Variants in PUDP observed in about 807,000 individuals in gnomAD.
The protein encoded by PUDP is pseudouridine-5'-phosphatase.
In PUDP, 8 loss-of-function variants were observed where a neutral mutation model predicts 9.4. The observed-to-expected ratio is 0.85, with a 90% CI of 0.50 to 1.53. The LOEUF (loss-of-function observed/expected upper bound fraction) is 1.53. Among genes scored for constraint, PUDP ranks in the 40% most tolerant of loss-of-function variants. PUDP has a pLI of 0.00. For missense variants in PUDP, 188 were observed against 189.7 expected, an observed-to-expected ratio of 0.99 and a Z score of 0.05; for synonymous variants, 99 against 80.7, an observed-to-expected ratio of 1.23 and a Z score of -1.22.
rs1486981926 is a variant in PUDP at position 7,147,885 on chromosome X, C to G, written c.61+168G>C. Reference sequence around the variant, plus strand: ...ACATGGGCCCGCGGGCGCTCCTGGCCGCCGCCCGACTTCGGGGCCAGCCGG... The same window carrying G: ...ACATGGGCCCGCGGGCGCTCCTGGCGGCCGCCCGACTTCGGGGCCAGCCGG... On this transcript the variant is annotated intron_variant, in intron 1 of 3. Transcript: ENST00000381077. 5.3e-5 allele frequency: 14 copies of G among 265,338 alleles called. No homozygotes were observed. In the East Asian group the frequency reaches 1.0e-3, roughly 19 times the overall value. The allele number at this position is 265,338 out of a possible 1,213,427, so 21.9% of individuals were successfully genotyped here. A position where few individuals can be genotyped will look rare whatever the true frequency, so the allele number is the denominator to read the frequency against.
chrX:7,106,303 G>A (rs745559865), intron 1 of PUDP, among the ~76,000 whole-genome samples: 1 of 112,145 alleles, frequency 8.9e-6, no homozygotes, highest in Non-Finnish European at 1.9e-5. Context: ...GCCTGGCCAG[G>A]ATGCTGCTGT....
In PUDP at chrX:7,079,845, G is replaced by A. The variant is rs1361330397; in HGVS notation, c.281-2396C>T. 5.4e-5 allele frequency among the ~76,000 whole-genome samples: 6 copies of A among 112,043 alleles called. No individual in the cohort carries two copies. The Admixed American group carries it at 5.7e-4, about 11-fold the overall frequency. On this transcript the variant is annotated intron_variant, in intron 2 of 3. Coordinates refer to ENST00000381077, the MANE Select transcript of PUDP (RefSeq NM_012080.5). Reference sequence around the variant, plus strand: ...ATTGAGTGATATGTTAAATAATAAGGTCTCAAATAAGTGATCTAAGTTGCC... The same window carrying A: ...ATTGAGTGATATGTTAAATAATAAGATCTCAAATAAGTGATCTAAGTTGCC...
chrX:7,128,820 T>G (rs1381015955), intron 1 of PUDP, among the ~76,000 whole-genome samples: 5 of 112,197 alleles, frequency 4.5e-5, no homozygotes, highest in South Asian at 7.4e-4. Flanking sequence ...TAGATACTAA[T>G]GAATGATTTT....
intron 1 of PUDP, among the ~76,000 whole-genome samples, chrX:7,126,382 T>G (rs1932487357): frequency 8.9e-6 from 1 of 111,972 alleles, no homozygotes; most frequent in Admixed American, 9.5e-5. Flanking sequence ...AGGAAAACAT[T>G]GGTCCAGATG....
At chrX:6,728,206 C>A (rs1049446081) in intron 3 of PUDP, among the ~76,000 whole-genome samples, 2 of 110,947 alleles carry the variant, frequency 1.8e-5, no homozygotes, top group Middle Eastern at 4.7e-3. Flanking sequence ...ACCACAAGAA[C>A]AACATGGAGG....
intron 1 of PUDP, among the ~76,000 whole-genome samples, chrX:7,027,109 C>T (rs1929722021): frequency 9.0e-6 from 1 of 111,588 alleles, no homozygotes; most frequent in Non-Finnish European, 1.9e-5. Flanking sequence ...ATACCCAAAC[C>T]ATGCACACGT....
rs757615563 is a variant in PUDP at position 7,003,457 on chromosome X, A to G, written c.205-25114T>C. ...CTGATCATTTTTGCAAGTATTCAAT[A>G]GTTAGTATAAAACAACACTTAAAGG... is the stretch of plus-strand genomic sequence containing the variant. On this transcript the variant is annotated intron_variant and NMD_transcript_variant, in intron 1 of 3. Coordinates refer to the PUDP transcript ENST00000655425. Among the ~76,000 whole-genome samples, 3 of 111,729 alleles carry G rather than the reference A, an allele frequency of 2.7e-5. No homozygotes were observed. In the East Asian group the frequency reaches 8.5e-4, roughly 32 times the overall value.
intron 3 of PUDP, among the ~76,000 whole-genome samples, chrX:6,751,091 A>G (rs766619953): frequency 1.0e-4 from 11 of 109,813 alleles, no homozygotes; most frequent in East Asian, 5.7e-4. Context: ...GCAGTGAGCC[A>G]AGATTGTGCC....
intron 3 of PUDP, among the ~76,000 whole-genome samples, chrX:6,800,642 C>T (rs1925917325): frequency 8.9e-6 from 1 of 111,927 alleles, no homozygotes; most frequent in Non-Finnish European, 1.9e-5. Flanking sequence ...GCATTAATTT[C>T]AGTGGACACT....
intron 1 of PUDP, among the ~76,000 whole-genome samples, chrX:7,114,795 T>C (rs1932151223): frequency 8.9e-6 from 1 of 112,561 alleles, no homozygotes; most frequent in South Asian, 3.6e-4. Flanking sequence ...AAGTGCTTAA[T>C]TGTACATATA....
chrX:7,128,171 A>C (rs771123729), intron 1 of PUDP, among the ~76,000 whole-genome samples: 70 of 110,660 alleles, frequency 6.3e-4, no homozygotes, highest in African/African-American at 2.1e-3. Context: ...CCTCCCGAGT[A>C]GCTGGGATTA....
chrX:6,998,814 G>A (rs1021939802), intron 1 of PUDP, among the ~76,000 whole-genome samples: 2 of 111,902 alleles, frequency 1.8e-5, no homozygotes, highest in African/African-American at 6.5e-5. Context: ...ATCACCCACA[G>A]AGCTGTGGAG....
At chrX:6,762,141 G>A (rs912093185) in intron 3 of PUDP, among the ~76,000 whole-genome samples, 13 of 111,682 alleles carry the variant, frequency 1.2e-4, no homozygotes, top group Non-Finnish European at 2.3e-4. Context: ...GCAGTAAGCC[G>A]AGATCATACC....
chrX:6,758,273 G>A (rs1270624363), intron 3 of PUDP, among the ~76,000 whole-genome samples: 1 of 111,011 alleles, frequency 9.0e-6, no homozygotes. Flanking sequence ...ACCAGCCTGG[G>A]CAACAAGGTG....
At chrX:6,967,863 T>A in intron 3 of PUDP, among the ~76,000 whole-genome samples, 1 of 111,945 alleles carries the variant, frequency 8.9e-6, no homozygotes, top group Admixed American at 9.5e-5. Context: ...ACCTACCTTA[T>A]TTGACTGTAG....
chrX:6,820,003 C>CT (rs201080670), intron 3 of PUDP, among the ~76,000 whole-genome samples: 16,127 of 100,483 alleles, frequency 0.16, 1,298 homozygotes, highest in African/African-American at 0.29. Flanking sequence ...ATAAATTTTT[C>CT]TTTTTTTTTT....
intron 1 of PUDP, among the ~76,000 whole-genome samples, chrX:7,130,470 G>A (rs1468204046): frequency 7.2e-5 from 8 of 111,060 alleles, no homozygotes; most frequent in African/African-American, 2.6e-4. Flanking sequence ...ATCCAACTGT[G>A]TGTGTGCATG....
chrX:6,797,999 T>C (rs1418869124), intron 3 of PUDP, among the ~76,000 whole-genome samples: 1 of 112,210 alleles, frequency 8.9e-6, no homozygotes, highest in Non-Finnish European at 1.9e-5. Flanking sequence ...ACTTTAATGA[T>C]TATGTATAGG....
chrX:6,738,408 C>T (rs181964405), intron 3 of PUDP, among the ~76,000 whole-genome samples: 285 of 111,519 alleles, frequency 2.6e-3, no homozygotes, highest in Non-Finnish European at 4.1e-3. Context: ...CTGTCTGCAC[C>T]TTAGAACCAC....
Sources: gnomAD v4.1 joint callset for allele counts (sites outside exome capture counted in the v4.1 genomes callset) on GRCh38, gnomAD v4.1.1 for gene constraint, MANE v1.5 for transcripts, NCBI Gene and HGNC (gene_info 2026-07-23, HGNC 2026-07-21) for gene names.